The following WWOX variants were observed in gnomAD, a reference collection of about 807,000 sequenced individuals.
The protein encoded by WWOX is WW domain containing oxidoreductase, also known as WW domain-containing oxidoreductase.
Under a neutral mutation model 46.2 loss-of-function variants are expected in WWOX, and 69 were observed. That is an observed-to-expected ratio of 1.49 (90% CI 1.23 to 1.82). The LOEUF (loss-of-function observed/expected upper bound fraction) is 1.82, where lower values mean the gene tolerates loss of function less well. Ranked by LOEUF, WWOX falls within the 40% of genes most tolerant of loss-of-function variation. The pLI is 0.00. For synonymous variants in WWOX, 359 were observed against 202.6 expected (o/e 1.77, Z -6.56); for missense variants, 919 against 542.6 (o/e 1.69, Z -6.89).
intron 8 of WWOX, among the ~76,000 whole-genome samples, chr16:78,715,469 A>T (rs879900686): frequency 1.3e-5 from 1 of 75,186 alleles, no homozygotes; most frequent in Non-Finnish European, 2.8e-5. Context: ...CCCCACCCCC[A>T]CCCCTACCCA....
At chr16:79,046,470 T>A (rs914831887) in intron 8 of WWOX, among the ~76,000 whole-genome samples, 2 of 152,184 alleles carry the variant, frequency 1.3e-5, no homozygotes, top group Admixed American at 1.3e-4. Context: ...AAGTCTAAGA[T>A]TAAGGCAGTG....
chr16:78,826,008 G>A (rs1047974517), intron 8 of WWOX: 11 of 593,538 alleles, frequency 1.9e-5, no homozygotes, highest in Middle Eastern at 4.6e-4. Flanking sequence ...ATAGCATAAC[G>A]GGCTGTCCTT....
intron 8 of WWOX, among the ~76,000 whole-genome samples, chr16:78,616,865 T>C (rs574235188): frequency 1.9e-4 from 29 of 152,298 alleles, no homozygotes; most frequent in Admixed American, 2.6e-4. Context: ...CACTTCCTAA[T>C]GTTACCACTC....
intron 1 of WWOX, among the ~76,000 whole-genome samples, chr16:78,104,145 A>G (rs955529589): frequency 3.3e-5 from 5 of 151,704 alleles, no homozygotes; most frequent in Non-Finnish European, 7.4e-5. Flanking sequence ...TTTGGCAGTC[A>G]GAGGCCTCAA....
At position 79,172,729 on chromosome 16, in the gene WWOX, C is replaced by T. The variant is rs536050898; in HGVS notation, c.1057-38879C>T. 3.9e-5 allele frequency among the ~76,000 whole-genome samples: 6 copies of T among 152,230 alleles called. 1 individual carries two copies. Among genetic ancestry groups the T allele is most frequent in the African/African-American group, 1.2e-4 (5 of 41,564 alleles). On this transcript the variant is annotated intron_variant, in intron 8 of 8. Coordinates refer to ENST00000566780, the MANE Select transcript of WWOX (RefSeq NM_016373.4). ...AGGCCATGGAAATATAAAATTGTAACCTAAATGCCTTCACGGCCAGTTATG... is the reference window on the plus strand; with the variant it reads ...AGGCCATGGAAATATAAAATTGTAATCTAAATGCCTTCACGGCCAGTTATG...
chr16:78,636,923 C>A (rs1289324148), intron 8 of WWOX, among the ~76,000 whole-genome samples: 1 of 152,148 alleles, frequency 6.6e-6, no homozygotes, highest in African/African-American at 2.4e-5. Flanking sequence ...AGTTAAAACT[C>A]CTTATCTGGT....
At chr16:78,551,697 G>A (rs964397242) in intron 8 of WWOX, 2 of 151,000 alleles carry the variant, frequency 1.3e-5, no homozygotes, top group African/African-American at 4.9e-5. Context: ...GGCAGGCTGA[G>A]GAGCGCTTAA....
intron 8 of WWOX, among the ~76,000 whole-genome samples, chr16:78,978,489 C>T (rs928691088): frequency 3.3e-5 from 5 of 152,190 alleles, no homozygotes; most frequent in Non-Finnish European, 7.3e-5. Context: ...CACACTGTCA[C>T]CAACTCTGTC....
intron 8 of WWOX, among the ~76,000 whole-genome samples, chr16:79,002,780 G>T (rs1450347275): frequency 1.3e-5 from 2 of 152,110 alleles, no homozygotes; most frequent in South Asian, 2.1e-4. Context: ...GAAAAGACAG[G>T]GTTCACACCA....
In WWOX at chr16:78,340,229, C is replaced by G. The variant is rs1375446725; in HGVS notation, c.517-46631C>G. On this transcript the variant is annotated intron_variant, in intron 5 of 8. Transcript: ENST00000566780. ...TTTTTTTTTTTGAGATGGAGTCTTACTGTGTCACCTAGGCTGGAGTGCAGT... is the reference window on the plus strand; with the variant it reads ...TTTTTTTTTTTGAGATGGAGTCTTAGTGTGTCACCTAGGCTGGAGTGCAGT... 7.5e-5 allele frequency among the ~76,000 whole-genome samples: 8 copies of G among 107,382 alleles called. 1 individual carries two copies. In the Admixed American group the frequency reaches 7.5e-4, roughly 10 times the overall value. 70.4% of individuals were successfully genotyped at this position (107,382 alleles called of 152,430 possible). A position where few individuals can be genotyped will look rare whatever the true frequency, so the allele number is the denominator to read the frequency against.
chr16:78,185,305 A>T (rs1207157862), intron 5 of WWOX, among the ~76,000 whole-genome samples: 2 of 152,228 alleles, frequency 1.3e-5, no homozygotes, highest in Admixed American at 6.5e-5. Flanking sequence ...AATCAGAAGA[A>T]TATAGAACAG....
At chr16:79,204,100 T>G (rs1385851350) in intron 8 of WWOX, 1 of 152,060 alleles carries the variant, frequency 6.6e-6, no homozygotes, top group African/African-American at 2.4e-5. Flanking sequence ...TCTATGGCAC[T>G]TCTGCTTGGC....
At chr16:78,644,830 C>T (rs2550626) in intron 8 of WWOX, among the ~76,000 whole-genome samples, 67,270 of 152,010 alleles carry the variant, frequency 0.44, 18,033 homozygotes, top group Middle Eastern at 0.62. Context: ...TAAGAATACA[C>T]TAGTAGGTAC....
At chr16:79,024,620 A>G (rs1256674636) in intron 8 of WWOX, among the ~76,000 whole-genome samples, 2 of 152,092 alleles carry the variant, frequency 1.3e-5, no homozygotes, top group East Asian at 3.9e-4. Flanking sequence ...TTTTTTTAGT[A>G]GAGACGGGGT....
At chr16:78,709,942 G>A (rs1361357426) in intron 8 of WWOX, among the ~76,000 whole-genome samples, 1 of 151,996 alleles carries the variant, frequency 6.6e-6, no homozygotes, top group Non-Finnish European at 1.5e-5. Context: ...TGTTGCCCAG[G>A]ATGGTCTTGA....
intron 8 of WWOX, among the ~76,000 whole-genome samples, chr16:78,434,709 T>G (rs921281909): frequency 1.3e-5 from 2 of 152,198 alleles, no homozygotes; most frequent in African/African-American, 4.8e-5. Flanking sequence ...ATAAGGTCCC[T>G]AATCAGAGGA....
At chr16:79,027,523 A>G (rs963452055) in intron 8 of WWOX, among the ~76,000 whole-genome samples, 5 of 151,750 alleles carry the variant, frequency 3.3e-5, no homozygotes, top group Non-Finnish European at 7.4e-5. Flanking sequence ...TCATTTTGGA[A>G]TGTCCAATTC....
rs372869791 is a variant in WWOX at position 78,738,295 on chromosome 16, C to T, written c.1056+305543C>T. Reference sequence around the variant, plus strand: ...TTATATATTAGGTGTGCTCTTGTGTCTGGGTGAAACAGAGCAATCACAATG... The same window carrying T: ...TTATATATTAGGTGTGCTCTTGTGTTTGGGTGAAACAGAGCAATCACAATG... On this transcript the variant is annotated intron_variant, in intron 8 of 8. Transcript: ENST00000566780. Among the ~76,000 whole-genome samples the T allele has an allele frequency of 4.2e-4, 64 of 152,108 alleles. No homozygotes were observed. In the South Asian group the frequency reaches 0.013, roughly 31 times the overall value.
intron 8 of WWOX, among the ~76,000 whole-genome samples, chr16:78,751,552 A>G (rs2049480350): frequency 6.7e-6 from 1 of 149,830 alleles, no homozygotes; most frequent in Non-Finnish European, 1.5e-5. Flanking sequence ...ACAAGGTGAT[A>G]CAGCATTTTA....
Sources: allele counts gnomAD v4.1 joint callset (sites outside exome capture counted in the v4.1 genomes callset), GRCh38; gene constraint gnomAD v4.1.1; transcripts MANE v1.5; gene names NCBI Gene and HGNC (gene_info 2026-07-23, HGNC 2026-07-21).